The following GBP1 variants were observed in gnomAD, a reference collection of about 807,000 sequenced individuals.
The protein encoded by GBP1 is guanylate-binding protein 1.
GBP1 carries 64 observed loss-of-function variants against 69.5 expected under a neutral mutation model. The observed-to-expected ratio is 0.92, with a 90% confidence interval of 0.75 to 1.13. The LOEUF is 1.13. Among genes scored for constraint, GBP1 ranks in the 50% most tolerant of loss-of-function variants. GBP1 has a pLI of 0.00. For missense variants in GBP1, 630 were observed against 704.1 expected (o/e 0.89, Z 1.19); for synonymous variants, 250 against 261.2 (o/e 0.96, Z 0.41).
Position 89,063,027 on chromosome 1 carries a change from T to C in GBP1, c.190+18A>G. ...ATGGACAGAAGGGACTTGGCAGAGC[T>C]TTGCTCATGCCACTCACCCTTTTTC... On this transcript the variant is annotated intron_variant, in intron 2 of 10. Coordinates refer to ENST00000370473, the MANE Select transcript of GBP1 (RefSeq NM_002053.3). The C allele has an allele frequency of 6.2e-7, 1 of 1,613,084 alleles. No homozygotes were observed. The highest frequency in any genetic ancestry group is 8.5e-7 in the Non-Finnish European group (1 of 1,179,414).
Position 89,060,231 on chromosome 1 carries a change from A to G in GBP1, c.284T>C (p.Leu95Pro). The stretch of plus-strand genomic sequence containing the variant: ...ATCTCCCAGACCCTCGGTGTCCAGC[A>G]GAACTAGGATGTGGCCTGGCTTCTT... ...HPKKPGHILV[L>P]LDTEGLGDVE... is the part of the protein sequence containing the mutation. Residue 95 changes from leucine to proline, a missense_variant, in exon 3 of 11, where the codon CTG becomes CCG. Leu to Pro is a moderately conservative substitution (Grantham distance 98, BLOSUM62 -3). This residue lies in a region of GBP1 where 131 missense variants were observed against 138.5 expected (regional missense o/e 0.95). Coordinates refer to ENST00000370473, the MANE Select transcript of GBP1 (RefSeq NM_002053.3). 2 of 1,602,096 alleles carry G rather than the reference A, an allele frequency of 1.2e-6. No individual in the cohort carries two copies. The highest frequency in any genetic ancestry group is 1.1e-5 in the South Asian group (1 of 88,834).
At chr1:89,062,718 ACT>A (rs1169795269) in intron 2 of GBP1, 2 of 217,190 alleles carry the variant, frequency 9.2e-6, no homozygotes, top group Admixed American at 5.1e-5. Context: ...ATCACTGTGA[ACT>A]CTGTTATTGC....
In GBP1 at chr1:89,058,358, T is replaced by C. The variant is rs909994505; in HGVS notation, c.632-124A>G. 16 of 823,440 alleles carry C rather than the reference T, an allele frequency of 1.9e-5. No homozygotes were observed. In the East Asian group the frequency reaches 2.0e-4, roughly 10 times the overall value. The allele number at this position is 823,440 out of a possible 1,614,324, so 51.0% of individuals were successfully genotyped here. A position where few individuals can be genotyped will look rare whatever the true frequency, so the allele number is the denominator to read the frequency against. On this transcript the variant is annotated intron_variant, in intron 5 of 10. Transcript: ENST00000370473. ...CTTTTCCAAGTATTCAACTCTGTTATTGAAGCATGACAACAGCTTTAGACA... is the reference window on the plus strand; with the variant it reads ...CTTTTCCAAGTATTCAACTCTGTTACTGAAGCATGACAACAGCTTTAGACA...
chr1:89,061,475 G>A lies in GBP1; in HGVS notation c.191-1151C>T, dbSNP rs539145065. On this transcript the variant is annotated intron_variant, in intron 2 of 10. Transcript: ENST00000370473. ...AATGATATATCTCCTTAAAAAGTTGGGCTATTACCTTATAACTTACAAATA... is the reference window on the plus strand; with the variant it reads ...AATGATATATCTCCTTAAAAAGTTGAGCTATTACCTTATAACTTACAAATA... Among the ~76,000 whole-genome samples the A allele has an allele frequency of 3.9e-5, 6 of 152,084 alleles. No individual in the cohort carries two copies. The South Asian group carries it at 8.3e-4, about 21-fold the overall frequency.
intron 2 of GBP1, 27 bp from the exon 3 acceptor site, chr1:89,060,351 T>C (rs1394086354): frequency 1.9e-5 from 29 of 1,525,316 alleles, no homozygotes; most frequent in Non-Finnish European, 2.4e-5. Flanking sequence ...AGACCAGCGA[T>C]GGGGATTTAG....
At chr1:89,060,426 A>G (rs1419531024) in intron 2 of GBP1, 102 bp from the exon 3 acceptor site, 9 of 1,077,390 alleles carry the variant, frequency 8.4e-6, no homozygotes, top group Non-Finnish European at 6.3e-6. Context: ...GAGAACTGAA[A>G]CAACAATCAG....
intron 8 of GBP1, 108 bp downstream of exon 8, chr1:89,055,908 G>A (rs907524249): frequency 2.2e-5 from 28 of 1,299,728 alleles, no homozygotes; most frequent in Middle Eastern, 1.8e-4. Flanking sequence ...AAGCATGAAT[G>A]TTATGCAAAC....
rs1680066896 is a variant in GBP1 at position 89,057,018 on chromosome 1, C to A, written c.991G>T (p.Ala331Ser). 6.2e-7 allele frequency: 1 copy of A among 1,614,234 alleles called. No individual in the cohort carries two copies. Among genetic ancestry groups the A allele is most frequent in the South Asian group, 1.1e-5 (1 of 91,092 alleles). Residue 331 changes from alanine to serine, a missense_variant, in exon 7 of 11, where the codon GCT becomes TCT. Coordinates refer to ENST00000370473, the MANE Select transcript of GBP1 (RefSeq NM_002053.3). ...QIENSAAVQKAIAHYEQQMGQ... is the reference protein window; with the variant it reads ...QIENSAAVQKSIAHYEQQMGQ... ...ATCTGCTGTTCATAGTGGGCAATAG[C>A]CTTTTGCACTGCAGCTGAGTTCTCT... is the stretch of plus-strand genomic sequence containing the variant.
chr1:89,062,171 C>G (rs772121167), intron 2 of GBP1, among the ~76,000 whole-genome samples: 1 of 152,100 alleles, frequency 6.6e-6, no homozygotes, highest in Non-Finnish European at 1.5e-5. Flanking sequence ...GGTATATTCC[C>G]AAAAGAAGTG....
rs750678760 is a variant in GBP1 at position 89,063,002 on chromosome 1, A to G, written c.190+43T>C. The G allele has an allele frequency of 4.4e-6, 7 of 1,607,380 alleles. No individual in the cohort carries two copies. In the Admixed American group the frequency reaches 8.3e-5, roughly 19 times the overall value. ...TTCATAATGGAGGCTGACTGTGTAGATGGACAGAAGGGACTTGGCAGAGCT... is the reference window on the plus strand; with the variant it reads ...TTCATAATGGAGGCTGACTGTGTAGGTGGACAGAAGGGACTTGGCAGAGCT... On this transcript the variant is annotated intron_variant, in intron 2 of 10. Coordinates refer to ENST00000370473, the MANE Select transcript of GBP1 (RefSeq NM_002053.3).
intron 6 of GBP1, 96 bp from the exon 7 acceptor site, chr1:89,057,230 C>G (rs1680072298): frequency 3.3e-6 from 5 of 1,517,730 alleles, no homozygotes; most frequent in Non-Finnish European, 3.6e-6. Flanking sequence ...ATTTTCCTCA[C>G]AGCATCAATG....
chr1:89,057,182 T>C, intron 6 of GBP1, 48 bp from the exon 7 acceptor site: 1 of 1,607,328 alleles, frequency 6.2e-7, no homozygotes, highest in Non-Finnish European at 8.5e-7. Context: ...AAAGAAAGTC[T>C]CTATTCCATG....
At chr1:89,054,138 T>C (rs752714714) in intron 10 of GBP1, among the ~76,000 whole-genome samples, 2 of 152,138 alleles carry the variant, frequency 1.3e-5, no homozygotes, top group Non-Finnish European at 1.5e-5. Flanking sequence ...CTCGCTCTGT[T>C]GCCCAGGCTG....
chr1:89,062,441 T>G (rs1680223086), intron 2 of GBP1, among the ~76,000 whole-genome samples: 1 of 152,244 alleles, frequency 6.6e-6, no homozygotes. Flanking sequence ...ATAAGGTTTC[T>G]GTAGTAGTCA....
chr1:89,061,986 TAA>T (rs142975286), intron 2 of GBP1, among the ~76,000 whole-genome samples: 9 of 144,686 alleles, frequency 6.2e-5, no homozygotes, highest in East Asian at 2.0e-4. Context: ...ATGGCCACTA[TAA>T]AAAAAAAAAA....
At chr1:89,053,894 G>A (rs189766047) in intron 10 of GBP1, among the ~76,000 whole-genome samples, 1 of 152,306 alleles carries the variant, frequency 6.6e-6, no homozygotes, top group East Asian at 1.9e-4. Context: ...TGAGGGTTAG[G>A]AGCCTTTCTG....
chr1:89,058,382 C>T, intron 5 of GBP1, 148 bp from the exon 6 acceptor site: 1 of 708,054 alleles, frequency 1.4e-6, no homozygotes, highest in Non-Finnish European at 2.3e-6. Context: ...CAGCTTTAGA[C>T]AATATGTAAA....
chr1:89,056,844 C>G lies in GBP1; in HGVS notation c.1155+10G>C. ...GACCCTAAACCGTATACATTTGAGACAAAAATTACCGCTAACTCCTTTTGA... is the reference window on the plus strand; with the variant it reads ...GACCCTAAACCGTATACATTTGAGAGAAAAATTACCGCTAACTCCTTTTGA... On this transcript the variant is annotated intron_variant, in intron 7 of 10. Coordinates refer to ENST00000370473, the MANE Select transcript of GBP1 (RefSeq NM_002053.3). 1.3e-5 allele frequency: 21 copies of G among 1,612,810 alleles called. No individual in the cohort carries two copies. Among genetic ancestry groups the G allele is most frequent in the Non-Finnish European group, 1.8e-5 (21 of 1,179,084 alleles).
In GBP1 at chr1:89,058,202, G is replaced by A. The variant is rs769576575; in HGVS notation, c.664C>T (p.Pro222Ser). The A allele has an allele frequency of 3.7e-5, 60 of 1,608,176 alleles. No individual in the cohort carries two copies. Among genetic ancestry groups the A allele is most frequent in the Non-Finnish European group, 4.9e-5 (58 of 1,177,860 alleles). ...AAGAATTTCCGGATACAGAGTCTGG[G>A]CAGGTTAAAAGTTTCATCTTTTTGA... is the stretch of plus-strand genomic sequence containing the variant. ...TSQKDETFNL[P>S]RLCIRKFFPK... Residue 222 changes from proline (P) to serine (S), a missense_variant, in exon 6 of 11, where the codon CCC (proline) becomes TCC (serine). This residue lies in a region of GBP1 where 367 missense variants were observed against 369.5 expected (regional missense o/e 0.99). Coordinates refer to ENST00000370473, the MANE Select transcript of GBP1 (RefSeq NM_002053.3).
Sources: allele counts gnomAD v4.1 joint callset (sites outside exome capture counted in the v4.1 genomes callset), GRCh38; gene constraint gnomAD v4.1.1; regional missense constraint gnomAD v4.1.1; transcripts MANE v1.5; gene names NCBI Gene and HGNC (gene_info 2026-07-23, HGNC 2026-07-21).